Variants in AP1AR observed in about 807,000 individuals in gnomAD.
AP1AR encodes AP-1 complex-associated regulatory protein.
A neutral mutation model predicts 46.3 loss-of-function variants in AP1AR; 29 were observed. The ratio of observed to expected loss-of-function variants is 0.63; its 90% CI spans 0.47 to 0.85. AP1AR has a LOEUF of 0.85. Ranked by LOEUF, AP1AR falls within the 40% of genes least tolerant of loss-of-function variation. The pLI is 0.00. For synonymous variants in AP1AR, 122 were observed against 122.9 expected (o/e 0.99, Z 0.05); for missense variants, 357 against 356.3 (o/e 1.00, Z -0.02).
In AP1AR at chr4:112,242,179, T is replaced by C. The variant is rs1229231781; in HGVS notation, c.83+10005T>C. 3.3e-5 allele frequency among the ~76,000 whole-genome samples: 5 copies of C among 152,242 alleles called. No homozygotes were observed. The East Asian group carries it at 9.6e-4, about 29-fold the overall frequency. On this transcript the variant is annotated intron_variant, in intron 1 of 9. Coordinates refer to ENST00000274000, the MANE Select transcript of AP1AR (RefSeq NM_018569.6). ...AAAATACTGCATTTTAAGCCTATTC[T>C]TAACAAGACTGGTTTTATCTTTAAT...
At position 112,272,182 on chromosome 4, in the gene AP1AR, G is replaced by A. The variant is rs2110501187; in HGVS notation, c.*3773G>A. Among the ~76,000 whole-genome samples, 3 of 152,268 alleles carry A rather than the reference G, an allele frequency of 2.0e-5. No homozygotes were observed. The Middle Eastern group carries it at 0.01, about 518-fold the overall frequency. ...AATGGGGTAGCTGGAAGGGGATGTG[G>A]AGTTATAGAAGGGTTTTTATTTAAA... On this transcript the variant is annotated 3_prime_UTR_variant, in exon 10 of 10. Coordinates refer to ENST00000274000, the MANE Select transcript of AP1AR (RefSeq NM_018569.6).
In AP1AR at chr4:112,272,519, A is replaced by G. The variant is rs1726995402; in HGVS notation, c.*4110A>G. Among the ~76,000 whole-genome samples the G allele has an allele frequency of 6.6e-6, 1 of 152,150 alleles. No homozygotes were observed. The highest frequency in any genetic ancestry group is 1.5e-5 in the Non-Finnish European group (1 of 68,028). ...GCATGTGCATAACTTCAATCACCAAAAGGCCCTTCCAGATACTGGCAAACC... is the reference window on the plus strand; with the variant it reads ...GCATGTGCATAACTTCAATCACCAAGAGGCCCTTCCAGATACTGGCAAACC... On this transcript the variant is annotated 3_prime_UTR_variant, in exon 10 of 10. Transcript: ENST00000274000.
At position 112,272,599 on chromosome 4, in the gene AP1AR, C is replaced by A. The variant is rs1726999964; in HGVS notation, c.*4190C>A. ...GAAAAAAATAGGAAATAATAAATCT[C>A]TAAGAGCCCTAAGACAAAGGTCAAG... On this transcript the variant is annotated 3_prime_UTR_variant, in exon 10 of 10. Coordinates refer to ENST00000274000, the MANE Select transcript of AP1AR (RefSeq NM_018569.6). Among the ~76,000 whole-genome samples the A allele has an allele frequency of 6.6e-6, 1 of 152,214 alleles. No individual in the cohort carries two copies.
intron 2 of AP1AR, 119 bp downstream of exon 2, chr4:112,253,375 A>G (rs749210459): frequency 9.7e-6 from 7 of 724,572 alleles, no homozygotes; most frequent in South Asian, 1.7e-5. Flanking sequence ...ATATTTCAAT[A>G]TTATTCATGT....
In AP1AR at chr4:112,266,725, T is replaced by C. The variant is rs1327011788; in HGVS notation, c.643+9T>C. 1.3e-6 allele frequency: 2 copies of C among 1,594,434 alleles called. No homozygotes were observed. The highest frequency in any genetic ancestry group is 2.3e-5 in the East Asian group (1 of 44,380). On this transcript the variant is annotated intron_variant, in intron 9 of 9. Coordinates refer to ENST00000274000, the MANE Select transcript of AP1AR (RefSeq NM_018569.6). ...GTGGGAAGATGAAGAAGGTATTTTA[T>C]AATTCACAATTTTACCTGAAAAATT...
chr4:112,267,640 A>G (rs1726763250), intron 9 of AP1AR, among the ~76,000 whole-genome samples: 1 of 151,924 alleles, frequency 6.6e-6, no homozygotes, highest in Non-Finnish European at 1.5e-5. Flanking sequence ...AATGAGAATA[A>G]TGATAGTACT....
intron 1 of AP1AR, among the ~76,000 whole-genome samples, chr4:112,233,813 T>C (rs149004095): frequency 1.3e-3 from 201 of 152,294 alleles, no homozygotes; most frequent in African/African-American, 4.6e-3. Flanking sequence ...AGCGTGAGTG[T>C]TAATTGTCTG....
At chr4:112,265,711 A>C (rs746242999) in intron 7 of AP1AR, 23 bp from the exon 8 acceptor site, 4 of 1,579,498 alleles carry the variant, frequency 2.5e-6, no homozygotes, top group Non-Finnish European at 2.6e-6. Context: ...ATATATTAAA[A>C]AATTATTTCA....
At chr4:112,260,680 C>A in intron 4 of AP1AR, 86 bp from the exon 5 acceptor site, 1 of 813,080 alleles carries the variant, frequency 1.2e-6, no homozygotes, top group Non-Finnish European at 1.8e-6. Flanking sequence ...TTGAGAATTT[C>A]ACTGGCTTTT....
At chr4:112,259,330 C>T (rs1437310396) in intron 4 of AP1AR, among the ~76,000 whole-genome samples, 1 of 152,164 alleles carries the variant, frequency 6.6e-6, no homozygotes, top group Non-Finnish European at 1.5e-5. Context: ...ACAAGAGCTA[C>T]ACTACCTGGG....
Position 112,263,070 on chromosome 4 carries a change from A to G in AP1AR, c.365A>G (p.Gln122Arg), listed in dbSNP as rs763234247. 30 of 1,613,706 alleles carry G rather than the reference A, an allele frequency of 1.9e-5. No individual in the cohort carries two copies. The highest frequency in any genetic ancestry group is 2.5e-5 in the Non-Finnish European group (30 of 1,179,756). The change falls in exon 6 of 10, where the codon CAG becomes CGG. Residue 122 changes from glutamine to arginine, a missense_variant. Transcript: ENST00000274000. The stretch of plus-strand genomic sequence containing the variant: ...CGTGAAGCAGCCAGGGCAGCAAAGC[A>G]GCGAAAGCTCTTGGAGGTGAGGGGA... ...AQREAARAAK[Q>R]RKLLEQERQR...
In AP1AR at chr4:112,254,786, A is replaced by G. The variant is rs192846553; in HGVS notation, c.159+13A>G. On this transcript the variant is annotated intron_variant, in intron 3 of 9. Coordinates refer to ENST00000274000, the MANE Select transcript of AP1AR (RefSeq NM_018569.6). Reference sequence around the variant, plus strand: ...AGAAAGTGATGAAGTAAGTATTTCCATAATAGTACAAAACTTGTATTTGTT... The same window carrying G: ...AGAAAGTGATGAAGTAAGTATTTCCGTAATAGTACAAAACTTGTATTTGTT... 4.0e-5 allele frequency: 57 copies of G among 1,410,996 alleles called. No homozygotes were observed. In the African/African-American group the frequency reaches 7.2e-4, roughly 18 times the overall value. The allele number at this position is 1,410,996 out of a possible 1,614,324, so 87.4% of individuals were successfully genotyped here.
At chr4:112,247,753 AG>A (rs2110475105) in intron 1 of AP1AR, among the ~76,000 whole-genome samples, 2 of 152,328 alleles carry the variant, frequency 1.3e-5, no homozygotes, top group African/African-American at 4.8e-5. Context: ...GTGTCTTTTA[AG>A]GATCTTCCAG....
At chr4:112,237,216 C>T (rs1167006693) in intron 1 of AP1AR, among the ~76,000 whole-genome samples, 1 of 151,600 alleles carries the variant, frequency 6.6e-6, no homozygotes, top group African/African-American at 2.4e-5. Flanking sequence ...AAGCAATTCT[C>T]CTGCCTCAGC....
intron 1 of AP1AR, among the ~76,000 whole-genome samples, chr4:112,233,367 C>T (rs1202176281): frequency 6.6e-6 from 1 of 152,184 alleles, no homozygotes; most frequent in Admixed American, 6.5e-5. Context: ...TGTAATATTT[C>T]GATTTCCCTA....
At chr4:112,263,394 T>C (rs1726537148) in intron 6 of AP1AR, among the ~76,000 whole-genome samples, 1 of 152,064 alleles carries the variant, frequency 6.6e-6, no homozygotes, top group African/African-American at 2.4e-5. Flanking sequence ...AAATTAAATG[T>C]ACTCTTAGAG....
At chr4:112,235,139 T>G (rs1180949937) in intron 1 of AP1AR, among the ~76,000 whole-genome samples, 2 of 152,230 alleles carry the variant, frequency 1.3e-5, no homozygotes, top group Non-Finnish European at 1.5e-5. Context: ...GGAATAAAAC[T>G]TAGGCATCCT....
rs1281283502 is a variant in AP1AR at position 112,259,902 on chromosome 4, C to T, written c.186-864C>T. On this transcript the variant is annotated intron_variant, in intron 4 of 9. Coordinates refer to ENST00000274000, the MANE Select transcript of AP1AR (RefSeq NM_018569.6). ...AGTGGGGGTTGCCACAAAGTTGGGG[C>T]GATTCATGGTTGATACTCCTCATTT... is the stretch of plus-strand genomic sequence containing the variant. Among the ~76,000 whole-genome samples, 4 of 151,898 alleles carry T rather than the reference C, an allele frequency of 2.6e-5. No individual in the cohort carries two copies. In the East Asian group the frequency reaches 5.8e-4, roughly 22 times the overall value.
At chr4:112,236,495 A>C (rs567586709) in intron 1 of AP1AR, among the ~76,000 whole-genome samples, 12 of 151,136 alleles carry the variant, frequency 7.9e-5, no homozygotes, top group Middle Eastern at 6.8e-3. Flanking sequence ...CCACCGCCTG[A>C]GTTCAAGTGA....
Sources: gnomAD v4.1 joint callset for allele counts (sites outside exome capture counted in the v4.1 genomes callset) on GRCh38, gnomAD v4.1.1 for gene constraint, MANE v1.5 for transcripts, NCBI Gene and HGNC (gene_info 2026-07-23, HGNC 2026-07-21) for gene names.